Variants in TRAF3 observed in about 807,000 individuals in gnomAD.
The protein encoded by TRAF3 is TNF receptor associated factor 3, also known as TNF receptor-associated factor 3.
A neutral mutation model predicts 62.3 loss-of-function variants in TRAF3; 13 were observed. That is an observed-to-expected ratio of 0.21 (90% CI 0.14 to 0.33). The LOEUF (loss-of-function observed/expected upper bound fraction) is 0.33, where lower values mean the gene tolerates loss of function less well. TRAF3 is among the 10% of genes least tolerant of loss of function. TRAF3 has a pLI of 1.00. For missense variants in TRAF3, 440 were observed against 741.8 expected, an observed-to-expected ratio of 0.59 and a Z score of 4.73; for synonymous variants, 269 against 283.4, an observed-to-expected ratio of 0.95 and a Z score of 0.51.
rs372089179 is a variant in TRAF3, at chr14:102,905,704, C to T, written c.1627C>T (p.Leu543=). ...GCPVFVAQTV[L]ENGTYIKDDT... is the part of the protein sequence containing the mutation. Reference sequence around the variant, plus strand: ...CCCAGTCTTTGTGGCCCAAACTGTTCTAGAAAATGGGACATATATTAAAGA... The same window carrying T: ...CCCAGTCTTTGTGGCCCAAACTGTTTTAGAAAATGGGACATATATTAAAGA... The change falls in exon 12 of 12, where the codon CTA becomes TTA. Residue 543 remains leucine, a synonymous_variant. Transcript: ENST00000392745. 3 of 1,612,416 alleles carry T rather than the reference C, an allele frequency of 1.9e-6. No homozygotes were observed. Among genetic ancestry groups the T allele is most frequent in the South Asian group, 2.2e-5 (2 of 91,042 alleles).
At chr14:102,891,581 T>G (rs1889717600) in intron 9 of TRAF3, among the ~76,000 whole-genome samples, 164 bp downstream of exon 9, 1 of 152,224 alleles carries the variant, frequency 6.6e-6, no homozygotes, top group Non-Finnish European at 1.5e-5. Flanking sequence ...TGAAGGTGTT[T>G]TATTTTTGTT....
chr14:102,830,108 G>C (rs1307536363), intron 1 of TRAF3, among the ~76,000 whole-genome samples: 1 of 152,224 alleles, frequency 6.6e-6, no homozygotes, highest in Non-Finnish European at 1.5e-5. Flanking sequence ...GAGCCTGGTG[G>C]TTGCTGCCGA....
chr14:102,815,822 G>A (rs1004119109), intron 1 of TRAF3, among the ~76,000 whole-genome samples: 1 of 152,152 alleles, frequency 6.6e-6, no homozygotes, highest in Non-Finnish European at 1.5e-5. Context: ...GAGCGTGTGT[G>A]AGTGCAGGAA....
At chr14:102,880,221 A>G (rs921677969) in intron 6 of TRAF3, among the ~76,000 whole-genome samples, 3 of 152,300 alleles carry the variant, frequency 2.0e-5, no homozygotes, top group East Asian at 1.9e-4. Context: ...GCTCATGCCT[A>G]TAATCCCAGA....
chr14:102,794,278 G>A (rs1348387611), intron 1 of TRAF3, among the ~76,000 whole-genome samples: 1 of 152,144 alleles, frequency 6.6e-6, no homozygotes, highest in Non-Finnish European at 1.5e-5. Flanking sequence ...GGGCAGAAGT[G>A]ATCCTCCCAG....
chr14:102,814,018 T>G (rs530025572), intron 1 of TRAF3, among the ~76,000 whole-genome samples: 27 of 152,204 alleles, frequency 1.8e-4, no homozygotes, highest in Non-Finnish European at 3.4e-4. Context: ...CCCCTATGTT[T>G]TGTAGTAGTT....
chr14:102,871,183 G>A (rs1218809485), intron 3 of TRAF3, among the ~76,000 whole-genome samples: 1 of 152,154 alleles, frequency 6.6e-6, no homozygotes, highest in Admixed American at 6.5e-5. Context: ...GGCTGCACCC[G>A]AGCCCCAGCC....
At chr14:102,878,494 AAAC>A (rs1465371436) in intron 6 of TRAF3, among the ~76,000 whole-genome samples, 4 of 152,052 alleles carry the variant, frequency 2.6e-5, no homozygotes, top group Admixed American at 2.6e-4. Flanking sequence ...CACACTTAGA[AAAC>A]AATGCATTTG....
Position 102,845,147 on chromosome 14 carries a change from C to T in TRAF3, c.-18+14675C>T, listed in dbSNP as rs574219383. On this transcript the variant is annotated intron_variant, in intron 2 of 11. Coordinates refer to ENST00000392745, the MANE Select transcript of TRAF3 (RefSeq NM_145725.3). ...TCCTGACCTCGTGATCCACCCACCT[C>T]GGCCTCCCAAAGTGCTGGAATTACA... 3.3e-5 allele frequency among the ~76,000 whole-genome samples: 5 copies of T among 151,976 alleles called. 1 individual carries two copies. In the South Asian group the frequency reaches 8.3e-4, roughly 25 times the overall value.
chr14:102,867,401 G>T (rs1056726242), intron 2 of TRAF3, among the ~76,000 whole-genome samples: 1 of 152,122 alleles, frequency 6.6e-6, no homozygotes, highest in African/African-American at 2.4e-5. Flanking sequence ...GCCAATTCCT[G>T]GTTCTCTGAT....
intron 1 of TRAF3, among the ~76,000 whole-genome samples, chr14:102,822,353 A>G (rs1180162719): frequency 1.3e-5 from 2 of 152,218 alleles, no homozygotes; most frequent in Non-Finnish European, 2.9e-5. Flanking sequence ...GCTTAGCTAT[A>G]TAGGTAGTAA....
intron 1 of TRAF3, among the ~76,000 whole-genome samples, chr14:102,809,599 C>A (rs1163214557): frequency 7.2e-6 from 1 of 139,066 alleles, no homozygotes; most frequent in African/African-American, 2.7e-5. Flanking sequence ...GGGGCGCAAT[C>A]TCGGCTCACT....
intron 2 of TRAF3, among the ~76,000 whole-genome samples, chr14:102,858,365 C>A (rs1887497662): frequency 6.6e-6 from 1 of 152,282 alleles, no homozygotes; most frequent in East Asian, 1.9e-4. Flanking sequence ...ATTGGTCATG[C>A]TGGTCTCGAA....
chr14:102,863,738 T>C (rs919786430), intron 2 of TRAF3, among the ~76,000 whole-genome samples: 9 of 152,240 alleles, frequency 5.9e-5, no homozygotes, highest in African/African-American at 1.9e-4. Context: ...TCAACTGTTA[T>C]TCAGTGCTTC....
intron 2 of TRAF3, among the ~76,000 whole-genome samples, chr14:102,831,514 G>A (rs545174522): frequency 3.3e-5 from 5 of 152,286 alleles, no homozygotes; most frequent in East Asian, 3.9e-4. Context: ...CAGATAGAGC[G>A]TGGAGTGCTG....
intron 2 of TRAF3, among the ~76,000 whole-genome samples, chr14:102,837,501 A>T (rs2139661795): frequency 6.6e-6 from 1 of 152,198 alleles, no homozygotes; most frequent in East Asian, 1.9e-4. Context: ...CCGAGATCTT[A>T]AAATCTATTT....
chr14:102,800,264 AGC>A (rs1232840623), intron 1 of TRAF3, among the ~76,000 whole-genome samples: 2 of 152,160 alleles, frequency 1.3e-5, no homozygotes, highest in Non-Finnish European at 2.9e-5. Context: ...TCCCTCCAGG[AGC>A]CCCAGTGCTT....
In TRAF3 at chr14:102,907,531, G is replaced by A. The variant is rs1417967857; in HGVS notation, c.*1747G>A. On this transcript the variant is annotated 3_prime_UTR_variant, in exon 12 of 12. Coordinates refer to ENST00000392745, the MANE Select transcript of TRAF3 (RefSeq NM_145725.3). ...CGGGTGCTTCTTAGGCAAAACCAAT[G>A]TGTGCGAACTGTCACACCTGTGCCA... 6.6e-6 allele frequency: 1 copy of A among 152,290 alleles called. No individual in the cohort carries two copies. The highest frequency in any genetic ancestry group is 1.5e-5 in the Non-Finnish European group (1 of 68,072). The allele number at this position is 152,290 out of a possible 1,614,324, so 9.4% of individuals were successfully genotyped here. A position where few individuals can be genotyped will look rare whatever the true frequency, so the allele number is the denominator to read the frequency against.
At chr14:102,846,316 T>C (rs972319376) in intron 2 of TRAF3, among the ~76,000 whole-genome samples, 1 of 152,080 alleles carries the variant, frequency 6.6e-6, no homozygotes, top group East Asian at 1.9e-4. Flanking sequence ...GTATATTTAC[T>C]GAGTAGAATA....
Sources: gnomAD v4.1 joint callset for allele counts (sites outside exome capture counted in the v4.1 genomes callset) on GRCh38, gnomAD v4.1.1 for gene constraint, MANE v1.5 for transcripts, NCBI Gene and HGNC (gene_info 2026-07-23, HGNC 2026-07-21) for gene names.